Variants in DYM observed in about 807,000 individuals in gnomAD.
DYM encodes dymeclin.
DYM carries 78 observed loss-of-function variants against 93.1 expected under a neutral mutation model. The observed-to-expected ratio is 0.84, with a 90% CI of 0.70 to 1.01. DYM has a LOEUF of 1.01. Among genes scored for constraint, DYM ranks in the 50% least tolerant of loss-of-function variants. The probability of loss-of-function intolerance (pLI) is 0.00; values close to 1 mark genes in which losing one functional copy is unlikely to be tolerated. For synonymous variants in DYM, 321 were observed against 319.7 expected (o/e 1.00, Z -0.04); for missense variants, 789 against 845.0 (o/e 0.93, Z 0.82).
At chr18:49,446,688 C>A (rs1045152522) in intron 1 of DYM, among the ~76,000 whole-genome samples, 2 of 152,136 alleles carry the variant, frequency 1.3e-5, no homozygotes, top group African/African-American at 4.8e-5. Flanking sequence ...TACAGAGATA[C>A]GGATACATCA....
intron 2 of DYM, among the ~76,000 whole-genome samples, chr18:49,429,666 C>T (rs953215854): frequency 1.1e-4 from 17 of 152,142 alleles, no homozygotes; most frequent in Admixed American, 9.8e-4. Context: ...TACCAAATTG[C>T]AAATGCACAT....
intron 4 of DYM, among the ~76,000 whole-genome samples, chr18:49,379,226 T>C (rs995300130): frequency 6.6e-6 from 1 of 152,124 alleles, no homozygotes; most frequent in South Asian, 2.1e-4. Flanking sequence ...GAGACTGACA[T>C]CCAAACATGG....
rs562851212 is a variant in DYM at position 49,210,864 on chromosome 18, A to G, written c.1461-1149T>C. ...GCTCTTTAAAAAGTCTATTTAGGGG[A>G]GAAAAGGCATACTCACTGGGAGAAA... On this transcript the variant is annotated intron_variant, in intron 13 of 17. Coordinates refer to ENST00000675505, the MANE Select transcript of DYM (RefSeq NM_001353214.3). Among the ~76,000 whole-genome samples the G allele has an allele frequency of 6.6e-5, 10 of 152,276 alleles. No individual in the cohort carries two copies. In the South Asian group the frequency reaches 2.1e-3, roughly 32 times the overall value.
At chr18:49,258,331 T>C (rs1359601435) in intron 12 of DYM, 49 bp downstream of exon 12, 14 of 1,318,076 alleles carry the variant, frequency 1.1e-5, no homozygotes, top group Non-Finnish European at 1.4e-5. Context: ...AACTATCGTC[T>C]TAATTGTACT....
At chr18:49,421,144 G>C (rs1026760913) in intron 2 of DYM, among the ~76,000 whole-genome samples, 11 of 152,336 alleles carry the variant, frequency 7.2e-5, no homozygotes, top group East Asian at 5.8e-4. Context: ...GCTTTGAAGA[G>C]AGTAGTGGTT....
intron 8 of DYM, among the ~76,000 whole-genome samples, chr18:49,290,067 C>CT (rs1028667634): frequency 1.8e-3 from 263 of 144,582 alleles, no homozygotes; most frequent in African/African-American, 5.4e-3. Context: ...CCCAGCAATT[C>CT]TTTTTTTTTT....
intron 15 of DYM, among the ~76,000 whole-genome samples, chr18:49,153,705 C>A (rs183098179): frequency 6.6e-6 from 1 of 151,890 alleles, no homozygotes; most frequent in Admixed American, 6.6e-5. Context: ...AGTAAATACA[C>A]GAGGGAGAAG....
chr18:49,216,431 G>A (rs534538144), intron 13 of DYM, among the ~76,000 whole-genome samples: 1 of 152,318 alleles, frequency 6.6e-6, no homozygotes, highest in South Asian at 2.1e-4. Context: ...GGAGATCTGA[G>A]AATGGGCAGA....
At chr18:49,045,281 C>A (rs539516326) in intron 17 of DYM, among the ~76,000 whole-genome samples, 3 of 152,342 alleles carry the variant, frequency 2.0e-5, no homozygotes, top group Admixed American at 2.0e-4. Context: ...TACTGGAAGA[C>A]ATGGCCCATA....
chr18:49,351,286 G>A (rs760992682), intron 6 of DYM, among the ~76,000 whole-genome samples: 5 of 151,984 alleles, frequency 3.3e-5, no homozygotes, highest in African/African-American at 1.2e-4. Context: ...GCCGGAAATC[G>A]CTTGAACCCG....
chr18:49,073,519 C>T, intron 17 of DYM, among the ~76,000 whole-genome samples: 1 of 152,080 alleles, frequency 6.6e-6, no homozygotes, highest in East Asian at 1.9e-4. Flanking sequence ...ATAATGGCTT[C>T]AGGCCCTCAA....
chr18:49,172,920 T>C (rs981856950), intron 14 of DYM, among the ~76,000 whole-genome samples: 2 of 152,120 alleles, frequency 1.3e-5, no homozygotes, highest in African/African-American at 2.4e-5. Flanking sequence ...TTAAGTTTTA[T>C]AGTTTTAGTT....
rs927677345 is a variant in DYM at position 49,043,060 on chromosome 18, T to G, written c.*995A>C. ...GACTCCAATTTAATTCCAGCAACAG[T>G]TCACAGGCCATATTCACAGAAAAGT... On this transcript the variant is annotated 3_prime_UTR_variant, in exon 18 of 18. Coordinates refer to ENST00000675505, the MANE Select transcript of DYM (RefSeq NM_001353214.3). 9.9e-5 allele frequency: 15 copies of G among 152,220 alleles called. No homozygotes were observed. Among genetic ancestry groups the G allele is most frequent in the African/African-American group, 3.6e-4 (15 of 41,456 alleles). 9.4% of individuals were successfully genotyped at this position (152,220 alleles called of 1,614,324 possible).
chr18:49,121,921 T>C (rs2082415816), intron 15 of DYM, among the ~76,000 whole-genome samples: 1 of 152,214 alleles, frequency 6.6e-6, no homozygotes, highest in Non-Finnish European at 1.5e-5. Flanking sequence ...AAGGTATTTC[T>C]TCAGGCAGAA....
At chr18:49,376,211 G>A (rs1335862248) in intron 5 of DYM, among the ~76,000 whole-genome samples, 1 of 152,118 alleles carries the variant, frequency 6.6e-6, no homozygotes, top group Non-Finnish European at 1.5e-5. Context: ...AACTTTCAAA[G>A]AAAAGTAGAA....
At chr18:49,045,063 T>C (rs1467400949) in intron 17 of DYM, among the ~76,000 whole-genome samples, 3 of 152,112 alleles carry the variant, frequency 2.0e-5, no homozygotes, top group African/African-American at 7.2e-5. Context: ...GTGGCTAGAG[T>C]CTACCCAAGG....
At chr18:49,413,299 C>T (rs2072499893) in intron 2 of DYM, among the ~76,000 whole-genome samples, 1 of 152,064 alleles carries the variant, frequency 6.6e-6, no homozygotes, top group Admixed American at 6.6e-5. Flanking sequence ...TTCTCTCACA[C>T]GTGGGAATAA....
At chr18:49,344,966 A>C (rs762231323) in intron 6 of DYM, among the ~76,000 whole-genome samples, 5 of 152,224 alleles carry the variant, frequency 3.3e-5, no homozygotes, top group Non-Finnish European at 7.3e-5. Flanking sequence ...GGTAGGACCA[A>C]GAGTGCCAGG....
chr18:49,386,886 A>C (rs2068676535), intron 3 of DYM, among the ~76,000 whole-genome samples: 1 of 151,726 alleles, frequency 6.6e-6, no homozygotes, highest in Non-Finnish European at 1.5e-5. Flanking sequence ...ATACGTGCTC[A>C]CTTCATGTCT....
Sources: gnomAD v4.1 joint callset for allele counts (sites outside exome capture counted in the v4.1 genomes callset) on GRCh38, gnomAD v4.1.1 for gene constraint, MANE v1.5 for transcripts, NCBI Gene and HGNC (gene_info 2026-07-23, HGNC 2026-07-21) for gene names.